KCNIP4: variants seen among roughly 807,000 people sequenced by gnomAD.
KCNIP4 encodes potassium voltage-gated channel interacting protein 4, also known as Kv channel-interacting protein 4.
KCNIP4 carries 12 observed loss-of-function variants against 34.0 expected under a neutral mutation model. The ratio of observed to expected loss-of-function variants is 0.35; its 90% CI spans 0.23 to 0.57. The LOEUF (loss-of-function observed/expected upper bound fraction) is 0.57. Ranked by LOEUF, KCNIP4 falls within the 20% of genes least tolerant of loss-of-function variation. The pLI, the probability that KCNIP4 is intolerant of heterozygous loss-of-function variation, is 0.83. For synonymous variants in KCNIP4, 124 were observed against 102.2 expected (o/e 1.21, Z -1.29); for missense variants, 238 against 311.7 (o/e 0.76, Z 1.78).
intron 1 of KCNIP4, among the ~76,000 whole-genome samples, chr4:21,496,163 A>C (rs543587247): frequency 2.2e-4 from 33 of 152,326 alleles, no homozygotes; most frequent in African/African-American, 7.7e-4. Flanking sequence ...ATTCCATTCC[A>C]AATGGCAGTT....
chr4:21,114,901 A>C (rs576553735), intron 1 of KCNIP4, among the ~76,000 whole-genome samples: 1 of 152,320 alleles, frequency 6.6e-6, no homozygotes, highest in African/African-American at 2.4e-5. Context: ...TCCTCCACTC[A>C]AGAAACACCA....
At position 20,745,060 on chromosome 4, in the gene KCNIP4, G is replaced by A. The variant is rs182486185; in HGVS notation, c.429+4602C>T. ...CTCAGACTCTTGCTAGGAATGGTAG[G>A]ACAGAGATGTGCTTCTTTCCTTGCT... On this transcript the variant is annotated intron_variant, in intron 5 of 8. Transcript: ENST00000382152. 2.4e-4 allele frequency among the ~76,000 whole-genome samples: 37 copies of A among 152,310 alleles called. No individual in the cohort carries two copies. In the East Asian group the frequency reaches 5.4e-3, roughly 22 times the overall value.
chr4:21,009,645 G>C (rs1738896804), intron 1 of KCNIP4, among the ~76,000 whole-genome samples: 1 of 152,156 alleles, frequency 6.6e-6, no homozygotes, highest in South Asian at 2.1e-4. Context: ...CTAATGTAAT[G>C]CATTTTATTC....
At chr4:20,982,566 A>C (rs886772321) in intron 1 of KCNIP4, among the ~76,000 whole-genome samples, 2 of 152,264 alleles carry the variant, frequency 1.3e-5, no homozygotes, top group Admixed American at 1.3e-4. Context: ...GTGTCTAAGC[A>C]GAACTTATTG....
chr4:21,717,734 A>G (rs538779129), intron 1 of KCNIP4, among the ~76,000 whole-genome samples: 2 of 152,170 alleles, frequency 1.3e-5, no homozygotes, highest in South Asian at 2.1e-4. Flanking sequence ...TTTTCCTCCT[A>G]TGTTTTCTGT....
intron 1 of KCNIP4, among the ~76,000 whole-genome samples, chr4:21,278,751 G>T (rs1048121095): frequency 1.3e-5 from 2 of 151,966 alleles, no homozygotes; most frequent in Non-Finnish European, 2.9e-5. Flanking sequence ...GTCCCCAAGG[G>T]CAGAGGGGAG....
intron 1 of KCNIP4, among the ~76,000 whole-genome samples, chr4:21,112,025 G>GTATCCATCTATCTATC (rs35053587): frequency 1.4e-3 from 159 of 114,808 alleles, no homozygotes; most frequent in African/African-American, 5.6e-3. Context: ...TCCTTTCTCT[G>GTATCCATCTATCTATC]TATCTATCTA....
chr4:21,799,443 C>A (rs1025332245), intron 1 of KCNIP4, among the ~76,000 whole-genome samples: 1 of 152,098 alleles, frequency 6.6e-6, no homozygotes, highest in African/African-American at 2.4e-5. Context: ...TATTAGCTTT[C>A]GTAATCTTTG....
chr4:21,311,721 A>T (rs1488746259), intron 1 of KCNIP4, among the ~76,000 whole-genome samples: 1 of 152,092 alleles, frequency 6.6e-6, no homozygotes, highest in East Asian at 1.9e-4. Flanking sequence ...AAGCCTGAAA[A>T]TAACTATCTT....
intron 1 of KCNIP4, among the ~76,000 whole-genome samples, chr4:21,032,578 G>C (rs532102573): frequency 2.0e-5 from 3 of 152,018 alleles, no homozygotes; most frequent in Non-Finnish European, 4.4e-5. Flanking sequence ...ACCTGTTTTA[G>C]AGAGCCCAGA....
At chr4:21,771,302 G>A (rs1249597113) in intron 1 of KCNIP4, among the ~76,000 whole-genome samples, 1 of 152,000 alleles carries the variant, frequency 6.6e-6, no homozygotes, top group African/African-American at 2.4e-5. Flanking sequence ...TGTTCTACAT[G>A]TCTGTTTTGG....
intron 1 of KCNIP4, among the ~76,000 whole-genome samples, chr4:20,893,220 T>A (rs1165806290): frequency 6.6e-6 from 1 of 152,176 alleles, no homozygotes. Context: ...AATTTCATTT[T>A]AAAAAATGGT....
chr4:21,835,576 T>TA (rs1723266471), intron 1 of KCNIP4, among the ~76,000 whole-genome samples: 1 of 126,074 alleles, frequency 7.9e-6, no homozygotes, highest in Non-Finnish European at 1.7e-5. Context: ...AATGTTTTCT[T>TA]ACGTTTTTTT....
Position 21,394,431 on chromosome 4 carries a change from G to C in KCNIP4, c.62-511722C>G, listed in dbSNP as rs185191719. On this transcript the variant is annotated intron_variant, in intron 1 of 8. Transcript: ENST00000382152. ...CCAATCAGAAGTTTCTGCATTCCTGGTTTCAGTGATTAATTCAAAAACTAA... is the reference window on the plus strand; with the variant it reads ...CCAATCAGAAGTTTCTGCATTCCTGCTTTCAGTGATTAATTCAAAAACTAA... Among the ~76,000 whole-genome samples the C allele has an allele frequency of 9.3e-4, 142 of 152,106 alleles. 1 individual carries two copies. The highest frequency in any genetic ancestry group is 1.6e-3 in the Non-Finnish European group (106 of 68,002).
At chr4:21,214,701 G>A (rs1054607647) in intron 1 of KCNIP4, among the ~76,000 whole-genome samples, 7 of 152,146 alleles carry the variant, frequency 4.6e-5, no homozygotes, top group African/African-American at 1.7e-4. Flanking sequence ...AATATAGAGA[G>A]AGGTATATAT....
chr4:20,854,882 GC>G (rs757028754), intron 2 of KCNIP4, among the ~76,000 whole-genome samples: 14 of 152,114 alleles, frequency 9.2e-5, no homozygotes, highest in Non-Finnish European at 1.8e-4. Context: ...ATTGTACTTT[GC>G]TTTGTGAATT....
intron 1 of KCNIP4, among the ~76,000 whole-genome samples, chr4:21,111,320 C>T (rs1821330): frequency 0.43 from 66,018 of 152,028 alleles, 14,621 homozygotes; most frequent in African/African-American, 0.52. Flanking sequence ...AAAATATTAT[C>T]AGGGAAATGT....
chr4:21,206,876 G>T (rs1756886042), intron 1 of KCNIP4, among the ~76,000 whole-genome samples: 1 of 152,118 alleles, frequency 6.6e-6, no homozygotes, highest in African/African-American at 2.4e-5. Flanking sequence ...TATCCAATTT[G>T]GAAATCCATG....
rs1725370378 is a variant in KCNIP4, at chr4:20,886,867, A to C, written c.62-4158T>G. Among the ~76,000 whole-genome samples, 3 of 152,298 alleles carry C rather than the reference A, an allele frequency of 2.0e-5. No homozygotes were observed. The South Asian group carries it at 6.2e-4, about 32-fold the overall frequency. On this transcript the variant is annotated intron_variant, in intron 1 of 8. Transcript: ENST00000382152. ...GGCAACATGACCCAAACTCCTTACA[A>C]TGTATCCTAATAACATCTTTTGTAC...
Sources: gnomAD v4.1 joint callset for allele counts (sites outside exome capture counted in the v4.1 genomes callset) on GRCh38, gnomAD v4.1.1 for gene constraint, MANE v1.5 for transcripts, NCBI Gene and HGNC (gene_info 2026-07-23, HGNC 2026-07-21) for gene names.